The following KCNIP2 variants were observed in gnomAD, a reference collection of about 807,000 sequenced individuals.
KCNIP2 encodes A-type potassium channel modulatory protein KCNIP2.
KCNIP2 carries 19 observed loss-of-function variants against 39.0 expected under a neutral mutation model. That is an observed-to-expected ratio of 0.49 (90% CI 0.34 to 0.71). KCNIP2 has a LOEUF of 0.71. KCNIP2 is among the 30% of genes least tolerant of loss of function. The pLI, the probability that KCNIP2 is intolerant of heterozygous loss-of-function variation, is 0.01. For missense variants in KCNIP2, 261 were observed against 346.0 expected, an observed-to-expected ratio of 0.75 and a Z score of 1.95; for synonymous variants, 111 against 131.2, an observed-to-expected ratio of 0.85 and a Z score of 1.05.
chr10:101,827,474 A>G, intron 9 of KCNIP2, 74 bp from the exon 10 acceptor site: 1 of 1,471,170 alleles, frequency 6.8e-7, no homozygotes, highest in East Asian at 2.3e-5. Flanking sequence ...AGTGAGAGGG[A>G]CACTGAGTCA....
chr10:101,836,053 C>T (rs952393721), intron 1 of KCNIP2, among the ~76,000 whole-genome samples: 2 of 152,136 alleles, frequency 1.3e-5, no homozygotes, highest in East Asian at 3.9e-4. Context: ...AGGAGCCCTC[C>T]CTCTTGTCCA....
intron 1 of KCNIP2, among the ~76,000 whole-genome samples, chr10:101,833,754 C>A (rs2066063647): frequency 6.6e-6 from 1 of 152,122 alleles, no homozygotes; most frequent in South Asian, 2.1e-4. Flanking sequence ...AACACAAAGT[C>A]ACACCCTGTG....
In KCNIP2 at chr10:101,843,498, G is replaced by C; in HGVS notation, c.71C>G (p.Thr24Arg). The C allele has an allele frequency of 6.3e-7, 1 of 1,575,484 alleles. No individual in the cohort carries two copies. The highest frequency in any genetic ancestry group is 8.6e-7 in the Non-Finnish European group (1 of 1,161,454). ...RDLDGSYDQLTGHPPGPTKKA... is the reference protein window; with the variant it reads ...RDLDGSYDQLRGHPPGPTKKA... ...CGACCCCCACGTCACTGACTCACCC[G>C]TGAGCTGGTCGTAGGAGCCGTCCAG... Residue 24 changes from threonine (T) to arginine (R), a missense_variant and splice_region_variant, in exon 1 of 10, where the codon ACG (threonine) becomes AGG (arginine). Thr to Arg is a moderately conservative substitution (Grantham distance 71). Coordinates refer to ENST00000356640, the MANE Select transcript of KCNIP2 (RefSeq NM_173191.3). The surrounding 1 kb of genome is among the most constrained non-coding windows in gnomAD (Gnocchi z 6.7).
chr10:101,831,012 T>C (rs1371420114), intron 2 of KCNIP2, 60 bp downstream of exon 2: 2 of 1,419,640 alleles, frequency 1.4e-6, no homozygotes, highest in African/African-American at 1.4e-5. Flanking sequence ...CACACACTCA[T>C]GCACAGACAC....
chr10:101,841,002 G>A (rs971429995), intron 1 of KCNIP2, among the ~76,000 whole-genome samples: 1 of 152,246 alleles, frequency 6.6e-6, no homozygotes, highest in Non-Finnish European at 1.5e-5. Context: ...GCTGCTAAAC[G>A]CGGCCTTTCC....
In KCNIP2 at chr10:101,839,910, C is replaced by T. The variant is rs2066274543; in HGVS notation, c.73+3586G>A. 57 of 1,446,184 alleles carry T rather than the reference C, an allele frequency of 3.9e-5. 1 individual carries two copies. In the South Asian group the frequency reaches 7.7e-4, roughly 20 times the overall value. 89.6% of individuals were successfully genotyped at this position (1,446,184 alleles called of 1,614,324 possible). A position where few individuals can be genotyped will look rare whatever the true frequency, so the allele number is the denominator to read the frequency against. On this transcript the variant is annotated intron_variant, in intron 1 of 9. Coordinates refer to ENST00000356640, the MANE Select transcript of KCNIP2 (RefSeq NM_173191.3). ...GGGGCGGTCCGGTCTCCGCCCTCAC[C>T]CGGGTAGGCCCGCGTGGGCGGCGCG...
chr10:101,841,082 C>T (rs185394873), intron 1 of KCNIP2, among the ~76,000 whole-genome samples: 6 of 152,330 alleles, frequency 3.9e-5, no homozygotes, highest in African/African-American at 1.4e-4. Flanking sequence ...GGGGTCCGGG[C>T]GGGGCTCGGA....
In KCNIP2 at chr10:101,825,988, G is replaced by A. The variant is rs1300005593; in HGVS notation, c.*1365C>T. 1 of 152,636 alleles carries A rather than the reference G, an allele frequency of 6.6e-6. No homozygotes were observed. Among genetic ancestry groups the A allele is most frequent in the South Asian group, 2.1e-4 (1 of 4,828 alleles). 9.5% of individuals were successfully genotyped at this position (152,636 alleles called of 1,614,324 possible). A position where few individuals can be genotyped will look rare whatever the true frequency, so the allele number is the denominator to read the frequency against. On this transcript the variant is annotated 3_prime_UTR_variant, in exon 10 of 10. Coordinates refer to ENST00000356640, the MANE Select transcript of KCNIP2 (RefSeq NM_173191.3). Reference sequence around the variant, plus strand: ...ACGGCAGCCTGTGCATAGCCATTGTGTTTTATTAGATCTGGTATATTTCTT... The same window carrying A: ...ACGGCAGCCTGTGCATAGCCATTGTATTTTATTAGATCTGGTATATTTCTT...
intron 1 of KCNIP2, among the ~76,000 whole-genome samples, chr10:101,836,319 C>G (rs569002498): frequency 1.3e-5 from 2 of 149,254 alleles, no homozygotes; most frequent in Admixed American, 1.3e-4. Flanking sequence ...GTTCTATCAC[C>G]CAGGCTAAAG....
Position 101,828,190 on chromosome 10 carries a change from G to A in KCNIP2, c.558C>T (p.Asn186=). 2 of 1,614,102 alleles carry A rather than the reference G, an allele frequency of 1.2e-6. No individual in the cohort carries two copies. The highest frequency in any genetic ancestry group is 1.7e-6 in the Non-Finnish European group (2 of 1,180,026). ...AGCCGTCCTTGTTAAGGTCATACAG[G>A]TTGAAGGCCCAATTAAGCCTGTCAT... is the stretch of plus-strand genomic sequence containing the variant. ...TVDDRLNWAF[N]LYDLNKDGCI... The change falls in exon 7 of 10, where the codon AAC becomes AAT. Residue 186 remains asparagine, a synonymous_variant. Transcript: ENST00000356640. The surrounding 1 kb of genome is among the most constrained non-coding windows in gnomAD (Gnocchi z 6.6).
At chr10:101,840,301 G>A (rs1400388086) in intron 1 of KCNIP2, among the ~76,000 whole-genome samples, 6 of 147,194 alleles carry the variant, frequency 4.1e-5, no homozygotes, top group African/African-American at 2.5e-5. Flanking sequence ...TAAGAGGACA[G>A]AGTTGTCATG....
Position 101,827,935 on chromosome 10 carries a change from G to A in KCNIP2, c.656C>T (p.Ala219Val), listed in dbSNP as rs2065802225. 6.2e-7 allele frequency: 1 copy of A among 1,613,968 alleles called. No homozygotes were observed. The highest frequency in any genetic ancestry group is 1.7e-5 in the Admixed American group (1 of 59,992). The change falls in exon 8 of 10, where the codon GCA becomes GTA. Residue 219 changes from alanine (A) to valine (V), a missense_variant. Ala to Val is a moderately conservative substitution (Grantham distance 64, BLOSUM62 0). Coordinates refer to ENST00000356640, the MANE Select transcript of KCNIP2 (RefSeq NM_173191.3). ...YDMMGKYTYP[A>V]LREEAPREHV... The stretch of plus-strand genomic sequence containing the variant: ...TTCCCTTGGGGCCTCCTCCCGGAGT[G>A]CAGGGTACGTGTACTTGCCCATCAT...
intron 1 of KCNIP2, among the ~76,000 whole-genome samples, chr10:101,841,970 G>C (rs78142636): frequency 0.067 from 10,199 of 152,320 alleles, 409 homozygotes; most frequent in African/African-American, 0.1. Context: ...ATCTGGCATG[G>C]TCTCTCATCT....
chr10:101,835,533 G>A lies in KCNIP2; in HGVS notation c.74-4366C>T, dbSNP rs376131791. ...TGCTAAAGCCCTGCCTGCTCCTTAG[G>A]AACTGTTATTGAGCTGATGGAGAAG... On this transcript the variant is annotated intron_variant, in intron 1 of 9. Coordinates refer to ENST00000356640, the MANE Select transcript of KCNIP2 (RefSeq NM_173191.3). 5.1e-4 allele frequency among the ~76,000 whole-genome samples: 78 copies of A among 152,250 alleles called. 1 individual carries two copies. In the South Asian group the frequency reaches 0.016, roughly 30 times the overall value.
At chr10:101,834,497 C>A in intron 1 of KCNIP2, 1 of 397,648 alleles carries the variant, frequency 2.5e-6, no homozygotes, top group South Asian at 1.4e-4. Context: ...CACTCTCCCT[C>A]CCAGGATCTC....
chr10:101,832,805 A>C (rs1265595167), intron 1 of KCNIP2, among the ~76,000 whole-genome samples: 1 of 150,836 alleles, frequency 6.6e-6, no homozygotes, highest in Non-Finnish European at 1.5e-5. Flanking sequence ...TGTCTCCTCT[A>C]AAGGTGAGAA....
Position 101,828,033 on chromosome 10 carries a change from T to C in KCNIP2, c.598-40A>G. 1 of 1,580,000 alleles carries C rather than the reference T, an allele frequency of 6.3e-7. No individual in the cohort carries two copies. Among genetic ancestry groups the C allele is most frequent in the Non-Finnish European group, 8.7e-7 (1 of 1,149,048 alleles). ...GAGAAGAGGATCCTTCCTCAGAGCC[T>C]CCAGCCTCCCTTGATCCCTTGCTTG... On this transcript the variant is annotated intron_variant, in intron 7 of 9. Coordinates refer to ENST00000356640, the MANE Select transcript of KCNIP2 (RefSeq NM_173191.3). The surrounding 1 kb of genome is among the most constrained non-coding windows in gnomAD (Gnocchi z 6.6).
At chr10:101,839,073 A>C (rs2066244185) in intron 1 of KCNIP2, among the ~76,000 whole-genome samples, 1 of 152,190 alleles carries the variant, frequency 6.6e-6, no homozygotes, top group South Asian at 2.1e-4. Flanking sequence ...ACCCAGTCCT[A>C]AAGTACAGAA....
In KCNIP2 at chr10:101,843,575, C is replaced by T; in HGVS notation, c.-7G>A. On this transcript the variant is annotated 5_prime_UTR_variant, in exon 1 of 10. Transcript: ENST00000356640. The surrounding 1 kb of genome is among the most constrained non-coding windows in gnomAD (Gnocchi z 6.7). Reference sequence around the variant, plus strand: ...TGCGGCCCTGGCCCCGCATGGCCCCCGGCGCCCCGCTCCCGCCCGGGCCGT... The same window carrying T: ...TGCGGCCCTGGCCCCGCATGGCCCCTGGCGCCCCGCTCCCGCCCGGGCCGT... 6.6e-7 allele frequency: 1 copy of T among 1,514,032 alleles called. No individual in the cohort carries two copies. The highest frequency in any genetic ancestry group is 2.6e-5 in the East Asian group (1 of 38,104). 93.8% of individuals were successfully genotyped at this position (1,514,032 alleles called of 1,614,324 possible).
Sources: gnomAD v4.1 joint callset for allele counts (sites outside exome capture counted in the v4.1 genomes callset) on GRCh38, gnomAD v4.1.1 for gene constraint, Gnocchi (gnomAD v3.1) non-coding constraint, MANE v1.5 for transcripts, NCBI Gene and HGNC (gene_info 2026-07-23, HGNC 2026-07-21) for gene names.